Variants in CENPP observed in about 807,000 individuals in gnomAD.
The protein encoded by CENPP is centromere protein P.
CENPP carries 24 observed loss-of-function variants against 35.6 expected under a neutral mutation model. That is an observed-to-expected ratio of 0.67 (90% CI 0.49 to 0.95). The LOEUF (loss-of-function observed/expected upper bound fraction) is 0.95, where lower values mean the gene tolerates loss of function less well. CENPP is among the 40% of genes least tolerant of loss of function. The probability of loss-of-function intolerance (pLI) is 0.00; values close to 1 mark genes in which losing one functional copy is unlikely to be tolerated. For missense variants in CENPP, 332 were observed against 345.3 expected, an observed-to-expected ratio of 0.96 and a Z score of 0.31; for synonymous variants, 120 against 125.5, an observed-to-expected ratio of 0.96 and a Z score of 0.29.
intron 5 of CENPP, chr9:92,393,141 A>G: frequency 6.2e-7 from 1 of 1,613,954 alleles, no homozygotes; most frequent in Non-Finnish European, 8.5e-7. Flanking sequence ...ATCGTGCGTA[A>G]AGATAGGCTG....
rs1300579863 is a variant in CENPP at position 92,522,471 on chromosome 9, T to C, written c.565-88843T>C. ...ACCTGGATTTTTCTTTAGAAAATTATCTTCATGGAGATGTTCTCCCTCTCT... is the reference window on the plus strand; with the variant it reads ...ACCTGGATTTTTCTTTAGAAAATTACCTTCATGGAGATGTTCTCCCTCTCT... On this transcript the variant is annotated intron_variant, in intron 5 of 7. Coordinates refer to ENST00000375587, the MANE Select transcript of CENPP (RefSeq NM_001012267.3). The C allele has an allele frequency of 5.1e-6, 6 of 1,179,388 alleles. No individual in the cohort carries two copies. The Middle Eastern group carries it at 8.1e-4, about 159-fold the overall frequency. The allele number at this position is 1,179,388 out of a possible 1,614,324, so 73.1% of individuals were successfully genotyped here.
intron 5 of CENPP, among the ~76,000 whole-genome samples, chr9:92,381,699 A>T (rs905208015): frequency 1.3e-5 from 2 of 152,086 alleles, no homozygotes; most frequent in Admixed American, 6.6e-5. Context: ...TAGTGTACTG[A>T]TATCTGTTTG....
At chr9:92,370,736 C>G (rs1841988209) in intron 4 of CENPP, among the ~76,000 whole-genome samples, 1 of 152,198 alleles carries the variant, frequency 6.6e-6, no homozygotes, top group Admixed American at 6.5e-5. Context: ...CCTGCCTCAG[C>G]CTGCCAAAGT....
At chr9:92,369,310 G>A (rs556543390) in intron 4 of CENPP, among the ~76,000 whole-genome samples, 2 of 152,274 alleles carry the variant, frequency 1.3e-5, no homozygotes, top group East Asian at 1.9e-4. Flanking sequence ...GCCGGCTTAA[G>A]CTTGGCTTGT....
chr9:92,333,259 T>C (rs1445215609), intron 2 of CENPP, among the ~76,000 whole-genome samples: 3 of 152,160 alleles, frequency 2.0e-5, no homozygotes, highest in African/African-American at 7.2e-5. Context: ...CCACTGAAAA[T>C]TACCCTCATG....
At chr9:92,566,205 G>T (rs969936244) in intron 5 of CENPP, among the ~76,000 whole-genome samples, 5 of 151,788 alleles carry the variant, frequency 3.3e-5, no homozygotes, top group African/African-American at 1.2e-4. Flanking sequence ...GGAGGCTGAG[G>T]CAGGGAATTG....
At chr9:92,385,967 A>G (rs562701054) in intron 5 of CENPP, among the ~76,000 whole-genome samples, 3 of 152,366 alleles carry the variant, frequency 2.0e-5, no homozygotes, top group South Asian at 2.1e-4. Flanking sequence ...AATCAAGAGC[A>G]GACTTCACAC....
At position 92,598,745 on chromosome 9, in the gene CENPP, G is replaced by GTTT. The variant is rs35301833; in HGVS notation, c.565-12557_565-12555dup. On this transcript the variant is annotated intron_variant, in intron 5 of 7. Transcript: ENST00000375587. ...AGTTATAAAACAAATAACTGAAGGG[G>GTTT]TTTTTTTTTTTTTTGAGGAATTTTT... Among the ~76,000 whole-genome samples the GTTT allele has an allele frequency of 1.1e-3, 165 of 144,646 alleles. 1 individual carries two copies. The highest frequency in any genetic ancestry group is 4.2e-3 in the South Asian group (19 of 4,506). 94.9% of individuals were successfully genotyped at this position (144,646 alleles called of 152,430 possible).
rs1846978430 is a variant in CENPP, at chr9:92,505,903, T to C, written c.565-105411T>C. Among the ~76,000 whole-genome samples the C allele has an allele frequency of 4.6e-5, 7 of 152,024 alleles. No individual in the cohort carries two copies. The South Asian group carries it at 6.2e-4, about 14-fold the overall frequency. On this transcript the variant is annotated intron_variant, in intron 5 of 7. Coordinates refer to ENST00000375587, the MANE Select transcript of CENPP (RefSeq NM_001012267.3). Reference sequence around the variant, plus strand: ...CAGAACTAAATGCATGGTCCAGTAGTGAGGCAGACCTGAAAAAAATCATTG... The same window carrying C: ...CAGAACTAAATGCATGGTCCAGTAGCGAGGCAGACCTGAAAAAAATCATTG...
chr9:92,530,616 A>G (rs190919169), intron 5 of CENPP, among the ~76,000 whole-genome samples: 2 of 152,126 alleles, frequency 1.3e-5, no homozygotes, highest in African/African-American at 2.4e-5. Flanking sequence ...TGGTGCATTT[A>G]TCATTAGGTG....
intron 5 of CENPP, among the ~76,000 whole-genome samples, chr9:92,569,666 TG>T (rs1191118544): frequency 2.6e-5 from 4 of 152,234 alleles, no homozygotes; most frequent in African/African-American, 7.2e-5. Context: ...TAAATTACCT[TG>T]GGCAGTATGG....
At position 92,616,063 on chromosome 9, in the gene CENPP, A is replaced by G; in HGVS notation, c.*2914A>G. 6.2e-7 allele frequency: 1 copy of G among 1,606,658 alleles called. No individual in the cohort carries two copies. The highest frequency in any genetic ancestry group is 8.5e-7 in the Non-Finnish European group (1 of 1,174,118). ...CGACAGGCCTTTGATCAGAGCTGCA[A>G]GTAAAAAGTACCATTTCAGGATACA... On this transcript the variant is annotated 3_prime_UTR_variant, in exon 8 of 8. Coordinates refer to ENST00000375587, the MANE Select transcript of CENPP (RefSeq NM_001012267.3).
intron 5 of CENPP, among the ~76,000 whole-genome samples, chr9:92,589,882 CTCTA>C (rs1850628233): frequency 6.6e-6 from 1 of 151,994 alleles, no homozygotes; most frequent in South Asian, 2.1e-4. Context: ...TATTTCCTGA[CTCTA>C]TCAGTTTTTA....
Position 92,525,904 on chromosome 9 carries a change from A to G in CENPP, c.565-85410A>G, listed in dbSNP as rs547125589. ...AGAGACTCTATCTCCAAAAAAAAAA[A>G]AAAAAAAAAAAGCACATACAATTAT... On this transcript the variant is annotated intron_variant, in intron 5 of 7. Transcript: ENST00000375587. Among the ~76,000 whole-genome samples, 11 of 151,650 alleles carry G rather than the reference A, an allele frequency of 7.3e-5. No homozygotes were observed. In the East Asian group the frequency reaches 2.1e-3, roughly 29 times the overall value.
At chr9:92,541,426 C>T (rs1409771190) in intron 5 of CENPP, among the ~76,000 whole-genome samples, 2 of 137,404 alleles carry the variant, frequency 1.5e-5, no homozygotes, top group East Asian at 2.4e-4. Context: ...CTCCCCACCC[C>T]GCCCACACCC....
At chr9:92,433,385 A>G (rs1057221804) in intron 5 of CENPP, among the ~76,000 whole-genome samples, 12 of 152,180 alleles carry the variant, frequency 7.9e-5, no homozygotes, top group African/African-American at 2.4e-4. Flanking sequence ...TCCCGCAATC[A>G]GTTTTCGGTT....
intron 3 of CENPP, 152 bp from the exon 4 acceptor site, chr9:92,345,547 G>T: frequency 1.8e-6 from 1 of 552,992 alleles, no homozygotes; most frequent in Non-Finnish European, 3.2e-6. Flanking sequence ...ATTATTATTA[G>T]TGAGATTGAA....
rs752974591 is a variant in CENPP, at chr9:92,326,133, G to C, written c.107+28G>C. The C allele has an allele frequency of 6.2e-6, 9 of 1,441,646 alleles. No individual in the cohort carries two copies. The East Asian group carries it at 2.4e-4, about 38-fold the overall frequency. 89.3% of individuals were successfully genotyped at this position (1,441,646 alleles called of 1,614,324 possible). ...ACGTGACCACCCCAAGTCCCCCAGG[G>C]CCCGCTGGCCAGGGTTCCCGGGCCA... On this transcript the variant is annotated intron_variant, in intron 1 of 7. Transcript: ENST00000375587.
intron 4 of CENPP, 138 bp from the exon 5 acceptor site, chr9:92,379,625 A>T: frequency 1.7e-6 from 1 of 588,758 alleles, no homozygotes; most frequent in South Asian, 2.3e-5. Context: ...ACACACACAC[A>T]AGTGCAAGAA....
Sources: gnomAD v4.1 joint callset for allele counts (sites outside exome capture counted in the v4.1 genomes callset) on GRCh38, gnomAD v4.1.1 for gene constraint, MANE v1.5 for transcripts, NCBI Gene and HGNC (gene_info 2026-07-23, HGNC 2026-07-21) for gene names.